The following ARCN1 variants were observed in gnomAD, a reference collection of about 807,000 sequenced individuals.
ARCN1 encodes archain 1 coat protein complex I subunit delta.
In ARCN1, 5 loss-of-function variants were observed where a neutral mutation model predicts 60.4. The ratio of observed to expected loss-of-function variants is 0.08; its 90% confidence interval spans 0.04 to 0.17. The LOEUF is 0.17. Among genes scored for constraint, ARCN1 ranks in the 10% least tolerant of loss-of-function variants. The pLI is 1.00. For synonymous variants in ARCN1, 224 were observed against 220.0 expected (o/e 1.02, Z -0.16); for missense variants, 464 against 626.5 (o/e 0.74, Z 2.77).
intron 8 of ARCN1, 125 bp from the exon 9 acceptor site, chr11:118,597,582 T>G: frequency 1.1e-6 from 1 of 948,708 alleles, no homozygotes. Context: ...TTAGCCTTTT[T>G]TTCCCCTGAA....
Position 118,601,764 on chromosome 11 carries a change from A to G in ARCN1, c.*1050A>G. The G allele has an allele frequency of 1.4e-6, 1 of 702,366 alleles. No homozygotes were observed. The highest frequency in any genetic ancestry group is 2.6e-6 in the Non-Finnish European group (1 of 384,560). 43.5% of individuals were successfully genotyped at this position (702,366 alleles called of 1,614,324 possible). A position where few individuals can be genotyped will look rare whatever the true frequency, so the allele number is the denominator to read the frequency against. On this transcript the variant is annotated 3_prime_UTR_variant, in exon 10 of 10. Transcript: ENST00000264028. ...TGAATCCCACTTGTGTCAATATTAA[A>G]GATAGCTGAGAAGCACCTTTCAAAT...
intron 8 of ARCN1, 78 bp downstream of exon 8, chr11:118,593,776 C>A: frequency 1.2e-6 from 1 of 830,006 alleles, no homozygotes; most frequent in Non-Finnish European, 1.9e-6. Context: ...TCAGCACCTA[C>A]CTGACCTGAC....
intron 1 of ARCN1, 47 bp downstream of exon 1, chr11:118,572,597 G>A: frequency 6.3e-7 from 1 of 1,591,696 alleles, no homozygotes; most frequent in Non-Finnish European, 8.5e-7. Context: ...GAGCCTCACC[G>A]TCTCTCCTTG....
At position 118,572,514 on chromosome 11, in the gene ARCN1, C is replaced by G. The variant is rs782333985; in HGVS notation, c.-34C>G. ...ACCCTACCCCTATCCCCAGTGGAGC[C>G]GGAGTGCGGGCGCGCCCCACCACCG... On this transcript the variant is annotated 5_prime_UTR_variant, in exon 1 of 10. Transcript: ENST00000264028. 6.2e-7 allele frequency: 1 copy of G among 1,611,044 alleles called. No individual in the cohort carries two copies. Among genetic ancestry groups the G allele is most frequent in the Non-Finnish European group, 8.5e-7 (1 of 1,178,954 alleles).
At chr11:118,594,505 G>T (rs1036502357) in intron 8 of ARCN1, among the ~76,000 whole-genome samples, 3 of 152,112 alleles carry the variant, frequency 2.0e-5, no homozygotes, top group African/African-American at 7.2e-5. Flanking sequence ...AAACCAAATT[G>T]AACAAGCCAG....
intron 1 of ARCN1, among the ~76,000 whole-genome samples, chr11:118,577,095 G>C (rs1555073785): frequency 6.6e-6 from 1 of 152,134 alleles, no homozygotes. Flanking sequence ...GCTGAGGTGG[G>C]AGAATCACCT....
At chr11:118,574,442 A>G (rs1271710052) in intron 1 of ARCN1, among the ~76,000 whole-genome samples, 6 of 152,196 alleles carry the variant, frequency 3.9e-5, no homozygotes, top group African/African-American at 1.4e-4. Context: ...GGAAAAGTTG[A>G]AAGAACTTTG....
chr11:118,582,035 T>A (rs1368679981), intron 2 of ARCN1, among the ~76,000 whole-genome samples: 1 of 152,126 alleles, frequency 6.6e-6, no homozygotes, highest in South Asian at 2.1e-4. Flanking sequence ...AGCATGTGCC[T>A]GTAGTCCAAG....
chr11:118,592,565 G>A (rs571669626), intron 6 of ARCN1, 144 bp from the exon 7 acceptor site: 9 of 556,778 alleles, frequency 1.6e-5, no homozygotes, highest in Admixed American at 3.0e-5. Context: ...TTGAAGAAGG[G>A]AAATCTTTCT....
At chr11:118,591,140 A>G (rs566580299) in intron 6 of ARCN1, among the ~76,000 whole-genome samples, 25 of 152,380 alleles carry the variant, frequency 1.6e-4, no homozygotes, top group African/African-American at 3.4e-4. Flanking sequence ...AATCCTTTCA[A>G]TATAAGTGTG....
intron 8 of ARCN1, among the ~76,000 whole-genome samples, chr11:118,597,199 C>CT (rs2135556027): frequency 6.6e-6 from 1 of 152,304 alleles, no homozygotes; most frequent in Non-Finnish European, 1.5e-5. Context: ...GAGCAAGACT[C>CT]TGTCTCAAAA....
intron 6 of ARCN1, among the ~76,000 whole-genome samples, chr11:118,592,273 GACTTTAC>G (rs1464664557): frequency 6.6e-6 from 1 of 152,170 alleles, no homozygotes; most frequent in Admixed American, 6.5e-5. Flanking sequence ...ATTGCAACTA[GACTTTAC>G]ACAGAGCTTG....
At chr11:118,580,182 G>T (rs1384259942) in intron 1 of ARCN1, among the ~76,000 whole-genome samples, 1 of 152,124 alleles carries the variant, frequency 6.6e-6, no homozygotes, top group Non-Finnish European at 1.5e-5. Context: ...AATTTGCCAG[G>T]CATGATGGCA....
intron 7 of ARCN1, 50 bp from the exon 8 acceptor site, chr11:118,593,540 C>A: frequency 7.4e-7 from 1 of 1,354,154 alleles, no homozygotes; most frequent in Non-Finnish European, 1.1e-6. Flanking sequence ...CCACTGCACC[C>A]AGCCATCTTT....
chr11:118,602,387 G>A lies in ARCN1; in HGVS notation c.*1673G>A, dbSNP rs1195960265. 6.5e-6 allele frequency: 1 copy of A among 153,764 alleles called. No homozygotes were observed. Among genetic ancestry groups the A allele is most frequent in the Non-Finnish European group, 1.5e-5 (1 of 68,082 alleles). The allele number at this position is 153,764 out of a possible 1,614,324, so 9.5% of individuals were successfully genotyped here. A position where few individuals can be genotyped will look rare whatever the true frequency, so the allele number is the denominator to read the frequency against. Reference sequence around the variant, plus strand: ...ACTCAATATTCCAGTCCATAGGGGTGGTTAAAAGTTGCTGCAAGGCTGCAG... The same window carrying A: ...ACTCAATATTCCAGTCCATAGGGGTAGTTAAAAGTTGCTGCAAGGCTGCAG... On this transcript the variant is annotated 3_prime_UTR_variant, in exon 10 of 10. Coordinates refer to ENST00000264028, the MANE Select transcript of ARCN1 (RefSeq NM_001655.5).
intron 1 of ARCN1, among the ~76,000 whole-genome samples, chr11:118,574,608 T>A (rs1555073114): frequency 1.3e-5 from 2 of 152,212 alleles, no homozygotes; most frequent in Admixed American, 6.5e-5. Flanking sequence ...ATTGATTTTT[T>A]AAAAAATAAA....
chr11:118,600,800 C>T lies in ARCN1; in HGVS notation c.*86C>T. On this transcript the variant is annotated 3_prime_UTR_variant, in exon 10 of 10. Transcript: ENST00000264028. ...GGCTGAAGAGTTTTTCCCAGATTTA[C>T]AAGCCACTGGAGACCCCTTTTTTCT... is the stretch of plus-strand genomic sequence containing the variant. 1 of 963,232 alleles carries T rather than the reference C, an allele frequency of 1.0e-6. No homozygotes were observed. The highest frequency in any genetic ancestry group is 1.5e-5 in the South Asian group (1 of 64,836). The allele number at this position is 963,232 out of a possible 1,614,324, so 59.7% of individuals were successfully genotyped here. A position where few individuals can be genotyped will look rare whatever the true frequency, so the allele number is the denominator to read the frequency against.
intron 1 of ARCN1, 53 bp downstream of exon 1, chr11:118,572,603 C>T (rs1279915016): frequency 2.5e-6 from 4 of 1,589,154 alleles, no homozygotes; most frequent in Middle Eastern, 1.7e-4. Context: ...CACCGTCTCT[C>T]CTTGTCGGCG....
At chr11:118,582,283 C>G (rs1938674351) in intron 2 of ARCN1, among the ~76,000 whole-genome samples, 1 of 152,126 alleles carries the variant, frequency 6.6e-6, no homozygotes. Flanking sequence ...GTTGAGATTA[C>G]AGATGTGCAT....
Sources: gnomAD v4.1 joint callset for allele counts (sites outside exome capture counted in the v4.1 genomes callset) on GRCh38, gnomAD v4.1.1 for gene constraint, MANE v1.5 for transcripts, NCBI Gene and HGNC (gene_info 2026-07-23, HGNC 2026-07-21) for gene names.